SPIRE1: variants seen among roughly 807,000 people sequenced by gnomAD.
SPIRE1 encodes protein spire homolog 1.
SPIRE1 carries 40 observed loss-of-function variants against 94.1 expected under a neutral mutation model. The observed-to-expected ratio is 0.43, with a 90% CI of 0.33 to 0.55. The LOEUF is 0.55. Ranked by LOEUF, SPIRE1 falls within the 20% of genes least tolerant of loss-of-function variation. The probability of loss-of-function intolerance (pLI) is 0.06; values close to 1 mark genes in which losing one functional copy is unlikely to be tolerated. For missense variants in SPIRE1, 838 were observed against 975.2 expected, an observed-to-expected ratio of 0.86 and a Z score of 1.87; for synonymous variants, 376 against 371.7, an observed-to-expected ratio of 1.01 and a Z score of -0.13.
intron 6 of SPIRE1, among the ~76,000 whole-genome samples, chr18:12,499,145 G>C (rs1182386299): frequency 3.3e-5 from 5 of 152,154 alleles, no homozygotes; most frequent in Admixed American, 6.5e-5. Flanking sequence ...CCAAGTTATA[G>C]TTTAGTGACT....
chr18:12,461,474 G>GTACA (rs1267833165), intron 12 of SPIRE1, among the ~76,000 whole-genome samples: 1 of 147,278 alleles, frequency 6.8e-6, no homozygotes, highest in East Asian at 2.0e-4. Flanking sequence ...ACATATGTAC[G>GTACA]TACATACATA....
intron 4 of SPIRE1, among the ~76,000 whole-genome samples, chr18:12,530,650 T>C (rs2034655317): frequency 6.6e-6 from 1 of 152,142 alleles, no homozygotes; most frequent in East Asian, 1.9e-4. Flanking sequence ...TAAACAGAAG[T>C]CTTGCAAATG....
chr18:12,566,588 A>T (rs2035826239), intron 2 of SPIRE1, among the ~76,000 whole-genome samples: 1 of 152,124 alleles, frequency 6.6e-6, no homozygotes, highest in African/African-American at 2.4e-5. Context: ...AGTACAGGGC[A>T]CTCACATTAC....
chr18:12,489,169 CAG>C (rs947505979), intron 8 of SPIRE1, among the ~76,000 whole-genome samples: 2 of 152,118 alleles, frequency 1.3e-5, no homozygotes, highest in African/African-American at 4.8e-5. Flanking sequence ...GCCTGGGAGA[CAG>C]TGCGAGACTC....
chr18:12,536,761 C>A (rs937379967), intron 3 of SPIRE1, among the ~76,000 whole-genome samples: 1 of 152,166 alleles, frequency 6.6e-6, no homozygotes. Context: ...ATTGGAAAGA[C>A]ATCCTATTAA....
chr18:12,632,721 A>G (rs1385710665), intron 2 of SPIRE1, among the ~76,000 whole-genome samples: 1 of 144,608 alleles, frequency 6.9e-6, no homozygotes, highest in Non-Finnish European at 1.5e-5. Flanking sequence ...TAATTCTGAA[A>G]AACTTCTATT....
chr18:12,507,066 T>C (rs951930889), intron 5 of SPIRE1, among the ~76,000 whole-genome samples: 1 of 152,198 alleles, frequency 6.6e-6, no homozygotes, highest in African/African-American at 2.4e-5. Context: ...AATGGGCTTG[T>C]CCCTTGTGTT....
chr18:12,452,162 C>T (rs2031272048), intron 16 of SPIRE1, 93 bp downstream of exon 16: 6 of 1,495,824 alleles, frequency 4.0e-6, no homozygotes. Flanking sequence ...ATAAAAACCC[C>T]TCGAGCCAAA....
At chr18:12,567,286 A>C (rs1197514832) in intron 2 of SPIRE1, among the ~76,000 whole-genome samples, 2 of 152,206 alleles carry the variant, frequency 1.3e-5, no homozygotes, top group Non-Finnish European at 2.9e-5. Context: ...GATCTGTATA[A>C]GGAAAAATAC....
chr18:12,612,043 T>C (rs920761807), intron 2 of SPIRE1, among the ~76,000 whole-genome samples: 1 of 152,152 alleles, frequency 6.6e-6, no homozygotes, highest in Non-Finnish European at 1.5e-5. Flanking sequence ...GTAACTTTTA[T>C]TTATTCACTA....
chr18:12,529,708 T>G (rs536637665), intron 4 of SPIRE1, among the ~76,000 whole-genome samples: 1 of 152,138 alleles, frequency 6.6e-6, no homozygotes, highest in Non-Finnish European at 1.5e-5. Context: ...CTACCTTAAT[T>G]TGGGTGATGT....
intron 2 of SPIRE1, among the ~76,000 whole-genome samples, chr18:12,634,399 CATTTAAA>C (rs1039135957): frequency 1.3e-5 from 2 of 151,702 alleles, no homozygotes; most frequent in Non-Finnish European, 1.5e-5. Context: ...GAGTCTAACA[CATTTAAA>C]TGCTGTATTT....
At chr18:12,659,407 C>T (rs376314477), upstream of SPIRE1, among the ~76,000 whole-genome samples, 10 of 152,272 alleles carry the variant, frequency 6.6e-5, no homozygotes, top group African/African-American at 2.4e-4. Flanking sequence ...GTGGCTTAGG[C>T]CTGTAATCCC....
chr18:12,461,567 G>GTACATACA (rs1384204977), intron 12 of SPIRE1, among the ~76,000 whole-genome samples: 12 of 139,880 alleles, frequency 8.6e-5, no homozygotes, highest in Admixed American at 7.1e-5. Flanking sequence ...GCGTGTATAT[G>GTACATACA]TATGTACATA....
chr18:12,652,370 A>G (rs569666446), intron 1 of SPIRE1, among the ~76,000 whole-genome samples: 1 of 152,268 alleles, frequency 6.6e-6, no homozygotes, highest in Non-Finnish European at 1.5e-5. Context: ...CCCAAACAAC[A>G]AAGTCTTATT....
At chr18:12,539,467 T>C (rs1311493063) in intron 3 of SPIRE1, among the ~76,000 whole-genome samples, 2 of 152,022 alleles carry the variant, frequency 1.3e-5, no homozygotes, top group African/African-American at 4.8e-5. Flanking sequence ...CAGTTTTAGG[T>C]TATGTCTTTA....
chr18:12,450,346 C>T (rs570477076), intron 16 of SPIRE1: 7 of 295,966 alleles, frequency 2.4e-5, no homozygotes, highest in South Asian at 2.2e-4. Context: ...GTGACAAAAG[C>T]GAAACTCTGT....
Position 12,506,581 on chromosome 18 carries a change from G to C in SPIRE1, c.868C>G (p.Gln290Glu). The C allele has an allele frequency of 6.2e-7, 1 of 1,614,022 alleles. No individual in the cohort carries two copies. Among genetic ancestry groups the C allele is most frequent in the Non-Finnish European group, 8.5e-7 (1 of 1,179,996 alleles). Reference sequence around the variant, plus strand: ...GGCAAAGGGTTGTACTGCCGCTCTTGGACCTTCTTAAGTTTTACCCCATTC... The same window carrying C: ...GGCAAAGGGTTGTACTGCCGCTCTTCGACCTTCTTAAGTTTTACCCCATTC... ...LRNGVKLKKV[Q>E]ERQYNPLPIE... The change falls in exon 6 of 17, where the codon CAA (glutamine) becomes GAA (glutamate). Residue 290 changes from glutamine (Q) to glutamate (E), a missense_variant. Physicochemically the swap from Gln to Glu is conservative, Grantham distance 29. This residue lies in a region of SPIRE1 where 645 missense variants were observed against 804.7 expected (regional missense o/e 0.80). Coordinates refer to ENST00000409402, the MANE Select transcript of SPIRE1 (RefSeq NM_001128626.2).
intron 2 of SPIRE1, among the ~76,000 whole-genome samples, chr18:12,574,816 G>C (rs2036051179): frequency 6.6e-6 from 1 of 152,176 alleles, no homozygotes; most frequent in Non-Finnish European, 1.5e-5. Context: ...GGGAAAGGGA[G>C]AAAAGGATGA....
Sources: allele counts gnomAD v4.1 joint callset (sites outside exome capture counted in the v4.1 genomes callset), GRCh38; gene constraint gnomAD v4.1.1; regional missense constraint gnomAD v4.1.1; transcripts MANE v1.5; gene names NCBI Gene and HGNC (gene_info 2026-07-23, HGNC 2026-07-21).